ZNF704: variants seen among roughly 807,000 people sequenced by gnomAD.
ZNF704 encodes zinc finger protein 704, also known as glucocorticoid induced gene 1.
Under a neutral mutation model 44.7 loss-of-function variants are expected in ZNF704, and 10 were observed. The observed-to-expected ratio is 0.22, with a 90% CI of 0.14 to 0.38. ZNF704 has a LOEUF of 0.38. Among genes scored for constraint, ZNF704 ranks in the 10% least tolerant of loss-of-function variants. The probability of loss-of-function intolerance (pLI) is 1.00; values close to 1 mark genes in which losing one functional copy is unlikely to be tolerated. For missense variants in ZNF704, 390 were observed against 545.5 expected (o/e 0.71, Z 2.84); for synonymous variants, 211 against 207.6 (o/e 1.02, Z -0.14).
intron 4 of ZNF704, among the ~76,000 whole-genome samples, chr8:80,674,359 C>T (rs554902853): frequency 2.0e-5 from 3 of 152,214 alleles, no homozygotes; most frequent in Middle Eastern, 3.4e-3. Context: ...TAAAAGAATA[C>T]CTGATGCTGG....
intron 2 of ZNF704, among the ~76,000 whole-genome samples, chr8:80,703,671 C>T (rs75956626): frequency 1.3e-5 from 2 of 152,116 alleles, no homozygotes; most frequent in African/African-American, 4.8e-5. Context: ...GACGGGGTCT[C>T]ACTATGTTGC....
At chr8:80,653,694 T>C (rs1288876193) in intron 7 of ZNF704, among the ~76,000 whole-genome samples, 6 of 151,194 alleles carry the variant, frequency 4.0e-5, no homozygotes, top group Admixed American at 1.3e-4. Context: ...TAAAAGAGGA[T>C]ACAAACAAAT....
intron 7 of ZNF704, among the ~76,000 whole-genome samples, chr8:80,651,005 C>A (rs1817908606): frequency 6.6e-6 from 1 of 152,146 alleles, no homozygotes. Flanking sequence ...GAGTGGGGGC[C>A]AATATTCAAC....
chr8:80,679,088 G>C (rs1221420305), intron 4 of ZNF704, among the ~76,000 whole-genome samples: 2 of 152,040 alleles, frequency 1.3e-5, no homozygotes, highest in Non-Finnish European at 2.9e-5. Context: ...TTCCTCCCTT[G>C]TAGAGCCTCT....
intron 1 of ZNF704, among the ~76,000 whole-genome samples, chr8:80,834,979 T>C (rs1808535050): frequency 1.3e-5 from 2 of 152,224 alleles, no homozygotes; most frequent in African/African-American, 4.8e-5. Flanking sequence ...TTGTAAATAG[T>C]GTACTACAGC....
At chr8:80,827,153 C>G (rs1478077650) in intron 1 of ZNF704, among the ~76,000 whole-genome samples, 1 of 152,164 alleles carries the variant, frequency 6.6e-6, no homozygotes, top group Non-Finnish European at 1.5e-5. Context: ...TTGCAGATGA[C>G]ATCATTGTAT....
chr8:80,750,605 T>C (rs1283855438), intron 2 of ZNF704, among the ~76,000 whole-genome samples: 1 of 151,940 alleles, frequency 6.6e-6, no homozygotes, highest in Non-Finnish European at 1.5e-5. Context: ...ACTCTCTGCC[T>C]CCTGGGTTCA....
At chr8:80,702,292 G>A (rs1818822319) in intron 2 of ZNF704, among the ~76,000 whole-genome samples, 1 of 152,192 alleles carries the variant, frequency 6.6e-6, no homozygotes, top group Non-Finnish European at 1.5e-5. Flanking sequence ...GTGGAGAGTG[G>A]AGAGGACATT....
At chr8:80,863,056 AT>A (rs1809096355) in intron 1 of ZNF704, among the ~76,000 whole-genome samples, 1 of 151,378 alleles carries the variant, frequency 6.6e-6, no homozygotes, top group African/African-American at 2.4e-5. Flanking sequence ...TTTTCTGATA[AT>A]TTTTACTGTA....
At chr8:80,706,072 G>A (rs1051687664) in intron 2 of ZNF704, among the ~76,000 whole-genome samples, 2 of 152,144 alleles carry the variant, frequency 1.3e-5, no homozygotes, top group Non-Finnish European at 2.9e-5. Context: ...TTAACGATCC[G>A]CCTGGTAAAT....
intron 2 of ZNF704, among the ~76,000 whole-genome samples, chr8:80,814,875 AC>A (rs1808150409): frequency 6.6e-6 from 1 of 152,178 alleles, no homozygotes; most frequent in Admixed American, 6.5e-5. Context: ...AATAAAAGAT[AC>A]CATTTTTGTC....
At chr8:80,792,028 C>T (rs1433375853) in intron 2 of ZNF704, among the ~76,000 whole-genome samples, 1 of 151,988 alleles carries the variant, frequency 6.6e-6, no homozygotes, top group African/African-American at 2.4e-5. Flanking sequence ...AAATAGAAGA[C>T]CAAAGGCACA....
At chr8:80,766,619 T>C (rs1807232382) in intron 2 of ZNF704, among the ~76,000 whole-genome samples, 1 of 152,240 alleles carries the variant, frequency 6.6e-6, no homozygotes, top group African/African-American at 2.4e-5. Flanking sequence ...ACAAATTTTC[T>C]ATTACTAATT....
upstream of ZNF704, among the ~76,000 whole-genome samples, chr8:80,879,112 C>T (rs1220497784): frequency 1.3e-5 from 2 of 152,116 alleles, no homozygotes; most frequent in Non-Finnish European, 2.9e-5. Context: ...CCAAGGAGCT[C>T]TCTCATTTTA....
At chr8:80,758,565 G>C (rs1011850719) in intron 2 of ZNF704, among the ~76,000 whole-genome samples, 1 of 152,170 alleles carries the variant, frequency 6.6e-6, no homozygotes, top group Non-Finnish European at 1.5e-5. Context: ...CATTTTAAGA[G>C]TTTGCAAGAA....
intron 2 of ZNF704, among the ~76,000 whole-genome samples, chr8:80,816,627 C>A (rs988519264): frequency 6.6e-6 from 1 of 152,144 alleles, no homozygotes; most frequent in East Asian, 1.9e-4. Context: ...CAATTAGCAT[C>A]GACACTTTTA....
chr8:80,755,674 T>C (rs1446082575), intron 2 of ZNF704, among the ~76,000 whole-genome samples: 2 of 152,190 alleles, frequency 1.3e-5, no homozygotes, highest in African/African-American at 4.8e-5. Context: ...GATTTCAGCG[T>C]GCAGCCAGGC....
intron 2 of ZNF704, among the ~76,000 whole-genome samples, chr8:80,748,509 G>A (rs778693423): frequency 6.6e-6 from 1 of 152,128 alleles, no homozygotes. Context: ...TCCTCTGCCC[G>A]GAAGGATCTC....
chr8:80,788,475 G>C lies in ZNF704; in HGVS notation c.221+32899C>G, dbSNP rs569236854. Reference sequence around the variant, plus strand: ...TCTCCTAGGTGATAAAAGTGGTCAAGTGACAATTCTGTCCAATGAGATGTA... The same window carrying C: ...TCTCCTAGGTGATAAAAGTGGTCAACTGACAATTCTGTCCAATGAGATGTA... On this transcript the variant is annotated intron_variant, in intron 2 of 8. Transcript: ENST00000327835. 5.2e-4 allele frequency among the ~76,000 whole-genome samples: 79 copies of C among 152,328 alleles called. 1 individual carries two copies. In the East Asian group the frequency reaches 0.014, roughly 27 times the overall value.
Sources: allele counts gnomAD v4.1 joint callset (sites outside exome capture counted in the v4.1 genomes callset), GRCh38; gene constraint gnomAD v4.1.1; transcripts MANE v1.5; gene names NCBI Gene and HGNC (gene_info 2026-07-23, HGNC 2026-07-21).